Variants in PCDHA12 observed in about 807,000 individuals in gnomAD.
PCDHA12 encodes protocadherin alpha-12.
In PCDHA12, 44 loss-of-function variants were observed where a neutral mutation model predicts 60.0. The ratio of observed to expected loss-of-function variants is 0.73; its 90% CI spans 0.58 to 0.94. The LOEUF is 0.94. Ranked by LOEUF, PCDHA12 falls within the 40% of genes least tolerant of loss-of-function variation. PCDHA12 has a pLI of 0.00. For missense variants in PCDHA12, 1,276 were observed against 1,239.7 expected, an observed-to-expected ratio of 1.03 and a Z score of -0.44; for synonymous variants, 569 against 553.0, an observed-to-expected ratio of 1.03 and a Z score of -0.40.
intron 1 of PCDHA12, among the ~76,000 whole-genome samples, chr5:140,906,547 C>T (rs2072745421): frequency 6.6e-6 from 1 of 152,218 alleles, no homozygotes; most frequent in Non-Finnish European, 1.5e-5. Flanking sequence ...CTCATTTCTG[C>T]AACTGGTTGT....
rs536777034 is a variant in PCDHA12 at position 140,985,803 on chromosome 5, G to A, written c.2515+3240G>A. Among the ~76,000 whole-genome samples the A allele has an allele frequency of 1.3e-4, 18 of 139,858 alleles. No individual in the cohort carries two copies. In the East Asian group the frequency reaches 1.8e-3, roughly 14 times the overall value. The allele number at this position is 139,858 out of a possible 152,430, so 91.8% of individuals were successfully genotyped here. A position where few individuals can be genotyped will look rare whatever the true frequency, so the allele number is the denominator to read the frequency against. Reference sequence around the variant, plus strand: ...CGCCCAGGCTGGAGTGCAGTGGCACGATCTCAGCTCACAACAAGCTCTGCC... The same window carrying A: ...CGCCCAGGCTGGAGTGCAGTGGCACAATCTCAGCTCACAACAAGCTCTGCC... On this transcript the variant is annotated intron_variant, in intron 3 of 3. Transcript: ENST00000398631.
chr5:140,973,582 T>C lies in PCDHA12; in HGVS notation c.2368-5367T>C, dbSNP rs76146918. Among the ~76,000 whole-genome samples the C allele has an allele frequency of 4.6e-3, 708 of 152,364 alleles. 4 individuals are homozygous for C. The highest frequency in any genetic ancestry group is 0.016 in the African/African-American group (685 of 41,596). On this transcript the variant is annotated intron_variant, in intron 1 of 3. Coordinates refer to ENST00000398631, the MANE Select transcript of PCDHA12 (RefSeq NM_018903.4). ...TTTCCTCAATTTTTCTACAGACTGC[T>C]GAGCCAGATGGAATTATGGCTGAGC...
intron 1 of PCDHA12, among the ~76,000 whole-genome samples, chr5:140,951,473 C>G (rs1009151700): frequency 1.3e-5 from 2 of 151,880 alleles, no homozygotes; most frequent in Non-Finnish European, 2.9e-5. Context: ...TTCTGGGGAG[C>G]CTTCAAGAAT....
chr5:140,945,678 C>T (rs2093827274), intron 1 of PCDHA12, among the ~76,000 whole-genome samples: 1 of 152,078 alleles, frequency 6.6e-6, no homozygotes, highest in Non-Finnish European at 1.5e-5. Context: ...AATAAATCCA[C>T]ACAGTTACTG....
At chr5:140,950,343 A>C (rs1169343189) in intron 1 of PCDHA12, among the ~76,000 whole-genome samples, 9 of 151,988 alleles carry the variant, frequency 5.9e-5, no homozygotes, top group African/African-American at 2.2e-4. Context: ...GATTTATCTT[A>C]GTTTTCCTTT....
chr5:141,009,880 C>T lies in PCDHA12; in HGVS notation c.2769C>T (p.Asn923=). ...AAAAGAAGAAAAAGAAGAAGGGTAACAAGACCCAGGAGAAAAAAGAGAAAG... is the reference window on the plus strand; with the variant it reads ...AAAAGAAGAAAAAGAAGAAGGGTAATAAGACCCAGGAGAAAAAAGAGAAAG... The part of the protein sequence containing the change: ...TKKKKKKKKG[N]KTQEKKEKGN... Residue 923 remains asparagine, a synonymous_variant, in exon 4 of 4, where the codon AAC becomes AAT. Transcript: ENST00000398631. 1 of 1,613,788 alleles carries T rather than the reference C, an allele frequency of 6.2e-7. No individual in the cohort carries two copies. The highest frequency in any genetic ancestry group is 8.5e-7 in the Non-Finnish European group (1 of 1,179,974).
intron 1 of PCDHA12, chr5:140,966,920 C>G: frequency 6.2e-7 from 1 of 1,602,674 alleles, no homozygotes; most frequent in Non-Finnish European, 8.5e-7. Flanking sequence ...GCCAGAGGAG[C>G]AGGCACCCGG....
intron 3 of PCDHA12, among the ~76,000 whole-genome samples, chr5:140,984,073 G>A (rs1294401230): frequency 4.6e-5 from 7 of 152,222 alleles, no homozygotes; most frequent in Non-Finnish European, 7.3e-5. Context: ...CAGTGCCAAC[G>A]ATGGAGTGAA....
intron 3 of PCDHA12, among the ~76,000 whole-genome samples, chr5:141,003,459 GCAC>G (rs1442979686): frequency 6.6e-6 from 1 of 152,028 alleles, no homozygotes; most frequent in African/African-American, 2.4e-5. Context: ...TTACAGGCGT[GCAC>G]CACCACAGTC....
chr5:140,887,643 T>C (rs1392264032), intron 1 of PCDHA12, among the ~76,000 whole-genome samples: 2 of 152,148 alleles, frequency 1.3e-5, no homozygotes, highest in African/African-American at 4.8e-5. Flanking sequence ...TTGGGGTTTG[T>C]TGATATTCTT....
chr5:140,901,268 T>C (rs185427298), intron 1 of PCDHA12, among the ~76,000 whole-genome samples: 57 of 152,328 alleles, frequency 3.7e-4, no homozygotes, highest in African/African-American at 1.3e-3. Context: ...TGTGGGGTAT[T>C]ACTCAAGAAA....
chr5:140,982,634 T>C, intron 3 of PCDHA12, 71 bp downstream of exon 3: 1 of 1,555,420 alleles, frequency 6.4e-7, no homozygotes, highest in Non-Finnish European at 8.7e-7. Flanking sequence ...TTTTGTAAGA[T>C]CAGGAATGTT....
chr5:140,877,868 T>A, intron 1 of PCDHA12, 29 bp downstream of exon 1: 1 of 1,488,916 alleles, frequency 6.7e-7, no homozygotes, highest in Non-Finnish European at 8.9e-7. Context: ...TTAGATATAT[T>A]TGTTTCCTTG....
Position 140,968,209 on chromosome 5 carries a change from C to A in PCDHA12, c.2368-10740C>A, listed in dbSNP as rs781795931. The A allele has an allele frequency of 2.5e-6, 4 of 1,613,884 alleles. No homozygotes were observed. In the African/African-American group the frequency reaches 4.0e-5, roughly 16 times the overall value. Reference sequence around the variant, plus strand: ...CCTATTCCATCTACATACAGGAGAACAATTTGCCAGGTGTGTTGCTCTGTA... The same window carrying A: ...CCTATTCCATCTACATACAGGAGAAAAATTTGCCAGGTGTGTTGCTCTGTA... On this transcript the variant is annotated intron_variant, in intron 1 of 3. Coordinates refer to ENST00000398631, the MANE Select transcript of PCDHA12 (RefSeq NM_018903.4).
In PCDHA12 at chr5:141,010,929, T is replaced by G. The variant is rs782088449; in HGVS notation, c.*992T>G. 1 of 153,778 alleles carries G rather than the reference T, an allele frequency of 6.5e-6. No homozygotes were observed. Among genetic ancestry groups the G allele is most frequent in the Non-Finnish European group, 1.5e-5 (1 of 68,048 alleles). 9.5% of individuals were successfully genotyped at this position (153,778 alleles called of 1,614,324 possible). A position where few individuals can be genotyped will look rare whatever the true frequency, so the allele number is the denominator to read the frequency against. ...AAACTCTCCTCAAAAGAGAATTCAG[T>G]CTACAGCCATTTAAATGATCATTGC... On this transcript the variant is annotated 3_prime_UTR_variant, in exon 4 of 4. Transcript: ENST00000398631.
intron 1 of PCDHA12, among the ~76,000 whole-genome samples, chr5:140,924,904 AAT>A (rs1277700524): frequency 5.2e-4 from 28 of 54,160 alleles, no homozygotes; most frequent in African/African-American, 2.1e-3. Context: ...CAAAAAAAAA[AAT>A]AAAATAAAAT....
In PCDHA12 at chr5:140,971,294, T is replaced by C. The variant is rs3776113; in HGVS notation, c.2368-7655T>C. Reference sequence around the variant, plus strand: ...CTGACCTGTATATTAATATGTACTTTGGTACACAAACATTTAATCTAGGGA... The same window carrying C: ...CTGACCTGTATATTAATATGTACTTCGGTACACAAACATTTAATCTAGGGA... On this transcript the variant is annotated intron_variant, in intron 1 of 3. Transcript: ENST00000398631. Among the ~76,000 whole-genome samples the C allele has an allele frequency of 6.4e-4, 97 of 152,362 alleles. No individual in the cohort carries two copies. In the East Asian group the frequency reaches 0.018, roughly 28 times the overall value.
intron 1 of PCDHA12, among the ~76,000 whole-genome samples, chr5:140,888,140 G>A (rs2061708866): frequency 1.3e-5 from 2 of 152,080 alleles, no homozygotes; most frequent in Admixed American, 1.3e-4. Context: ...TTTTCTTGCT[G>A]TTTTGCATGA....
rs199806507 is a variant in PCDHA12, at chr5:140,877,403, G to C, written c.1931G>C (p.Arg644Pro). The change falls in exon 1 of 4, where the codon CGC becomes CCC. Residue 644 changes from arginine (R) to proline (P), a missense_variant. Arg to Pro is a moderately radical substitution (Grantham distance 103, BLOSUM62 -2). Transcript: ENST00000398631. ...ATCCTGGATGAGGCGGACGCTCCGC[G>C]CCACCGCCTGCTGGTGCTGGTGAAG... ...TRILDEADAP[R>P]HRLLVLVKDH... The C allele has an allele frequency of 6.2e-7, 1 of 1,613,770 alleles. No homozygotes were observed. The highest frequency in any genetic ancestry group is 8.5e-7 in the Non-Finnish European group (1 of 1,179,886).
Sources: allele counts gnomAD v4.1 joint callset (sites outside exome capture counted in the v4.1 genomes callset), GRCh38; gene constraint gnomAD v4.1.1; transcripts MANE v1.5; gene names NCBI Gene and HGNC (gene_info 2026-07-23, HGNC 2026-07-21).